The following ZFYVE26 variants were observed in gnomAD, a reference collection of about 807,000 sequenced individuals.
ZFYVE26 encodes the protein zinc finger FYVE domain-containing protein 26.
In ZFYVE26, 181 loss-of-function variants were observed where a neutral mutation model predicts 276.5. The observed-to-expected ratio is 0.65, with a 90% CI of 0.58 to 0.74. The LOEUF (loss-of-function observed/expected upper bound fraction) is 0.74. Ranked by LOEUF, ZFYVE26 falls within the 30% of genes least tolerant of loss-of-function variation. ZFYVE26 has a pLI of 0.00. For synonymous variants in ZFYVE26, 1,129 were observed against 1,203.1 expected (o/e 0.94, Z 1.27); for missense variants, 2,821 against 3,097.9 (o/e 0.91, Z 2.12).
chr14:67,740,997 A>G (rs2038410476), intron 13 of ZFYVE26, among the ~76,000 whole-genome samples: 1 of 152,218 alleles, frequency 6.6e-6, no homozygotes, highest in African/African-American at 2.4e-5. Flanking sequence ...TGGAATATGA[A>G]GAAGGACAAG....
intron 3 of ZFYVE26, among the ~76,000 whole-genome samples, chr14:67,812,243 T>A (rs1407338121): frequency 6.6e-6 from 1 of 152,216 alleles, no homozygotes; most frequent in African/African-American, 2.4e-5. Flanking sequence ...ATGGGAGTTG[T>A]TTCAGTTTTC....
chr14:67,769,548 G>T (rs370508162), intron 29 of ZFYVE26, 46 bp downstream of exon 29: 17 of 1,611,072 alleles, frequency 1.1e-5, no homozygotes, highest in Non-Finnish European at 1.4e-5. Flanking sequence ...CCTGCGGAAG[G>T]GTGCAGCGGT....
At chr14:67,771,272 C>T (rs1206354800) in intron 28 of ZFYVE26, among the ~76,000 whole-genome samples, 1 of 152,220 alleles carries the variant, frequency 6.6e-6, no homozygotes, top group Non-Finnish European at 1.5e-5. Flanking sequence ...ATAATGACCT[C>T]TGGTTCCATC....
intron 13 of ZFYVE26, among the ~76,000 whole-genome samples, chr14:67,732,000 G>C (rs1415545126): frequency 1.3e-5 from 2 of 151,662 alleles, no homozygotes; most frequent in Non-Finnish European, 2.9e-5. Flanking sequence ...GTTGGTGGGT[G>C]CCTGTAATCC....
At position 67,790,649 on chromosome 14, in the gene ZFYVE26, T is replaced by C; in HGVS notation, c.2678A>G (p.Asp893Gly). 1 of 1,614,192 alleles carries C rather than the reference T, an allele frequency of 6.2e-7. No homozygotes were observed. The highest frequency in any genetic ancestry group is 8.5e-7 in the Non-Finnish European group (1 of 1,180,010). ...VEHKIENQNS[D>G]AGSSTIRRTG... ...TCTCCGAATGGTGCTGCTACCCGCA[T>C]CTGAGTTCTGGTTTTCAATCTTGTG... The change falls in exon 15 of 42, where the codon GAT becomes GGT. Residue 893 changes from aspartate (D) to glycine (G), a missense_variant. Coordinates refer to ENST00000347230, the MANE Select transcript of ZFYVE26 (RefSeq NM_015346.4).
intron 41 of ZFYVE26, 70 bp downstream of exon 41, chr14:67,750,982 T>C (rs775993851): frequency 6.3e-7 from 1 of 1,584,036 alleles, no homozygotes; most frequent in Admixed American, 1.7e-5. Flanking sequence ...GAGCAAGGGA[T>C]AAAGGTGACT....
chr14:67,778,276 C>G, intron 23 of ZFYVE26, 28 bp from the exon 24 acceptor site: 2 of 1,613,964 alleles, frequency 1.2e-6, no homozygotes, highest in South Asian at 1.1e-5. Context: ...TGCCTTCAAC[C>G]CCTTTACATG....
intron 3 of ZFYVE26, among the ~76,000 whole-genome samples, chr14:67,809,726 A>G (rs2040259315): frequency 6.7e-6 from 1 of 148,864 alleles, no homozygotes; most frequent in African/African-American, 2.5e-5. Context: ...CTGGCCTAAG[A>G]TAAAGTACTT....
At chr14:67,798,920 T>G in intron 10 of ZFYVE26, 1 of 1,028,388 alleles carries the variant, frequency 9.7e-7, no homozygotes, top group East Asian at 2.5e-5. Flanking sequence ...GGCGCTGAGC[T>G]CCGCTTGGCG....
intron 27 of ZFYVE26, among the ~76,000 whole-genome samples, chr14:67,772,463 A>G (rs914699783): frequency 6.6e-6 from 1 of 152,238 alleles, no homozygotes; most frequent in Non-Finnish European, 1.5e-5. Flanking sequence ...TCCAGCTTCT[A>G]GACCTAACTA....
chr14:67,769,202 T>C (rs12878157), intron 29 of ZFYVE26, among the ~76,000 whole-genome samples: 15,461 of 152,236 alleles, frequency 0.1, 990 homozygotes, highest in Middle Eastern at 0.22. Context: ...AGAGTTGATA[T>C]AAGCGATGCC....
intron 40 of ZFYVE26, chr14:67,751,339 C>T (rs1021143954): frequency 4.0e-5 from 23 of 576,024 alleles, no homozygotes; most frequent in African/African-American, 3.9e-4. Context: ...CAATCTGGGC[C>T]AGTTCACCCC....
At chr14:67,794,520 GGTCAGT>G (rs1442629816) in intron 12 of ZFYVE26, among the ~76,000 whole-genome samples, 1 of 152,144 alleles carries the variant, frequency 6.6e-6, no homozygotes, top group African/African-American at 2.4e-5. Context: ...TATTTTTAGG[GGTCAGT>G]GATCAGCACC....
chr14:67,807,757 A>G lies in ZFYVE26; in HGVS notation c.527T>C (p.Leu176Pro). Residue 176 changes from leucine (L) to proline (P), a missense_variant, in exon 5 of 42, where the codon CTT (leucine) becomes CCT (proline). By Grantham distance (98) the Leu-to-Pro change is moderately conservative (BLOSUM62 -3). Transcript: ENST00000347230. The part of the protein sequence containing the change: ...QPAQALLELL[L>P]EEDDGTGLCH... ...GAGGCCAGTACCGTCATCCTCCTCA[A>G]GCAGGAGCTCCAGCAGGGCCTGTGC... The G allele has an allele frequency of 2.5e-6, 4 of 1,614,158 alleles. No homozygotes were observed. The highest frequency in any genetic ancestry group is 3.4e-6 in the Non-Finnish European group (4 of 1,180,010).
At position 67,814,065 on chromosome 14, in the gene ZFYVE26, C is replaced by T; in HGVS notation, c.195-1G>A. ...TTGAGGGTTGATGTCCTGCCCACAT[C>T]TGAAAAAGGTAAAAAGAAAGACTTG... is the stretch of plus-strand genomic sequence containing the variant. On this transcript the variant is annotated splice_acceptor_variant, in intron 2 of 41. Transcript: ENST00000347230. LOFTEE classifies it high-confidence loss of function. The T allele has an allele frequency of 6.2e-7, 1 of 1,612,276 alleles. No individual in the cohort carries two copies. The highest frequency in any genetic ancestry group is 8.5e-7 in the Non-Finnish European group (1 of 1,178,508).
chr14:67,737,297 C>T (rs762199155), intron 13 of ZFYVE26, among the ~76,000 whole-genome samples: 3 of 151,958 alleles, frequency 2.0e-5, no homozygotes, highest in East Asian at 1.9e-4. Flanking sequence ...TACCCAAGAC[C>T]GGGTAATTTA....
intron 25 of ZFYVE26, among the ~76,000 whole-genome samples, chr14:67,777,021 G>A (rs1443010762): frequency 6.6e-6 from 1 of 152,180 alleles, no homozygotes; most frequent in Non-Finnish European, 1.5e-5. Flanking sequence ...ATACATCAAA[G>A]GTAAGAACTT....
intron 24 of ZFYVE26, among the ~76,000 whole-genome samples, 153 bp downstream of exon 24, chr14:67,777,973 C>A (rs2039392093): frequency 6.6e-6 from 1 of 151,944 alleles, no homozygotes; most frequent in African/African-American, 2.4e-5. Context: ...AAGGCTAGGC[C>A]CCTTCTGCTC....
rs1489593952 is a variant in ZFYVE26, at chr14:67,805,549, T to C, written c.1087A>G (p.Arg363Gly). The change falls in exon 7 of 42, where the codon AGG becomes GGG. Residue 363 changes from arginine (R) to glycine (G), a missense_variant. By Grantham distance (125) the Arg-to-Gly change is moderately radical. Coordinates refer to ENST00000347230, the MANE Select transcript of ZFYVE26 (RefSeq NM_015346.4). The part of the protein sequence containing the change: ...NLGCLLDREF[R>G]PLSCLLVLLG... ...AGTACAAGCAGGCAACTGAGGGGCC[T>C]GAATTCTCTATCAAGTAGGCAGCCA... 1.9e-6 allele frequency: 3 copies of C among 1,614,214 alleles called. No homozygotes were observed. The South Asian group carries it at 3.3e-5, about 18-fold the overall frequency.
Sources: gnomAD v4.1 joint callset for allele counts (sites outside exome capture counted in the v4.1 genomes callset) on GRCh38, gnomAD v4.1.1 for gene constraint, MANE v1.5 for transcripts, NCBI Gene and HGNC (gene_info 2026-07-23, HGNC 2026-07-21) for gene names.